Variants in COL21A1 observed in about 807,000 individuals in gnomAD.
COL21A1 encodes collagen type XXI alpha 1 chain, also known as collagen alpha-1(XXI) chain.
COL21A1 carries 149 observed loss-of-function variants against 137.9 expected under a neutral mutation model. The ratio of observed to expected loss-of-function variants is 1.08; its 90% CI spans 0.95 to 1.24. The LOEUF (loss-of-function observed/expected upper bound fraction) is 1.24. Among genes scored for constraint, COL21A1 ranks in the 50% most tolerant of loss-of-function variants. The pLI is 0.00. For missense variants in COL21A1, 1,167 were observed against 1,158.4 expected (o/e 1.01, Z -0.11); for synonymous variants, 456 against 391.5 (o/e 1.16, Z -1.95).
intron 12 of COL21A1, among the ~76,000 whole-genome samples, chr6:56,131,207 T>C (rs946228161): frequency 2.6e-5 from 4 of 151,964 alleles, no homozygotes; most frequent in Non-Finnish European, 5.9e-5. Flanking sequence ...AAATAATTGA[T>C]AAAAAGCCTT....
chr6:56,292,834 C>G (rs1011106837), intron 1 of COL21A1, among the ~76,000 whole-genome samples: 24 of 152,238 alleles, frequency 1.6e-4, no homozygotes, highest in African/African-American at 5.1e-4. Flanking sequence ...ATTGTAAAGT[C>G]TAGTATTTTG....
chr6:56,173,109 T>A (rs895914427), intron 3 of COL21A1, among the ~76,000 whole-genome samples: 1 of 152,182 alleles, frequency 6.6e-6, no homozygotes, highest in African/African-American at 2.4e-5. Flanking sequence ...AGAGACTGAA[T>A]GGTTTAGAGC....
chr6:56,204,526 C>T (rs1561981507), intron 1 of COL21A1, among the ~76,000 whole-genome samples: 1 of 152,130 alleles, frequency 6.6e-6, no homozygotes. Flanking sequence ...GACAGAGCAC[C>T]AGGGGGAAGT....
At chr6:56,286,927 G>T (rs1302553251) in intron 1 of COL21A1, among the ~76,000 whole-genome samples, 1 of 152,188 alleles carries the variant, frequency 6.6e-6, no homozygotes, top group East Asian at 1.9e-4. Flanking sequence ...TTTCTGAAAA[G>T]AGTAGCTTTA....
intron 1 of COL21A1, among the ~76,000 whole-genome samples, chr6:56,272,931 C>T (rs1372095036): frequency 6.6e-6 from 1 of 152,148 alleles, no homozygotes; most frequent in Non-Finnish European, 1.5e-5. Flanking sequence ...ATCTTTACAG[C>T]AGTGTGAAAA....
At chr6:56,354,535 C>A (rs1242807865) in intron 1 of COL21A1, among the ~76,000 whole-genome samples, 1 of 152,098 alleles carries the variant, frequency 6.6e-6, no homozygotes, top group Non-Finnish European at 1.5e-5. Flanking sequence ...TGACTAGATT[C>A]CCATTGGCCA....
At chr6:56,291,700 T>C (rs948935948) in intron 1 of COL21A1, among the ~76,000 whole-genome samples, 2 of 152,224 alleles carry the variant, frequency 1.3e-5, no homozygotes, top group African/African-American at 4.8e-5. Context: ...GATTCTTACA[T>C]GTACTATACT....
At chr6:56,099,934 T>C (rs1426613710) in intron 17 of COL21A1, among the ~76,000 whole-genome samples, 1 of 152,148 alleles carries the variant, frequency 6.6e-6, no homozygotes, top group Admixed American at 6.5e-5. Context: ...TTTCTTCTCC[T>C]TTCCAATCAT....
At chr6:56,361,765 CGT>C (rs112413857) in intron 1 of COL21A1, among the ~76,000 whole-genome samples, 1 of 151,152 alleles carries the variant, frequency 6.6e-6, no homozygotes. Flanking sequence ...TGTGCGTGTG[CGT>C]GTGTGTGTGT....
chr6:56,117,455 A>G (rs1274558338), intron 16 of COL21A1, among the ~76,000 whole-genome samples: 1 of 152,062 alleles, frequency 6.6e-6, no homozygotes, highest in African/African-American at 2.4e-5. Flanking sequence ...ATTAGAGCTA[A>G]AGAGAGTGAT....
chr6:56,194,807 A>C (rs1778918084), intron 1 of COL21A1, among the ~76,000 whole-genome samples: 1 of 142,634 alleles, frequency 7.0e-6, no homozygotes, highest in African/African-American at 2.7e-5. Flanking sequence ...AAGGGTCTTC[A>C]TTTTGGCTAC....
intron 17 of COL21A1, among the ~76,000 whole-genome samples, chr6:56,082,800 C>T (rs114379421): frequency 0.027 from 4,132 of 151,650 alleles, 108 homozygotes; most frequent in Middle Eastern, 0.068. Context: ...TTAATTTATA[C>T]GATAAAAATA....
chr6:56,167,794 G>A (rs1037571094), intron 6 of COL21A1, among the ~76,000 whole-genome samples: 3 of 152,208 alleles, frequency 2.0e-5, no homozygotes, highest in Admixed American at 2.0e-4. Context: ...CCCACTTACA[G>A]ATGAAACTAT....
At chr6:56,322,884 C>CAAAAAAAA (rs386407164) in intron 1 of COL21A1, among the ~76,000 whole-genome samples, 1 of 129,780 alleles carries the variant, frequency 7.7e-6, no homozygotes, top group Non-Finnish European at 1.6e-5. Context: ...CCTCTGCTAT[C>CAAAAAAAA]AAAAAAAAAA....
At chr6:56,141,324 G>A (rs1173038122) in intron 12 of COL21A1, among the ~76,000 whole-genome samples, 4 of 152,112 alleles carry the variant, frequency 2.6e-5, no homozygotes, top group Admixed American at 6.6e-5. Flanking sequence ...TTTGTTAAGC[G>A]AAATAAGTCA....
chr6:56,197,586 C>T (rs758573832), intron 1 of COL21A1, among the ~76,000 whole-genome samples: 8 of 151,998 alleles, frequency 5.3e-5, no homozygotes, highest in Non-Finnish European at 7.4e-5. Context: ...TACAAATGGT[C>T]AACAGGTATA....
At chr6:56,386,342 C>T (rs2094018180) in intron 1 of COL21A1, among the ~76,000 whole-genome samples, 1 of 152,174 alleles carries the variant, frequency 6.6e-6, no homozygotes, top group Non-Finnish European at 1.5e-5. Context: ...GGGTTGTTTC[C>T]ACCTTTTGGC....
chr6:56,148,823 C>T (rs1346602166), intron 10 of COL21A1, among the ~76,000 whole-genome samples: 1 of 152,106 alleles, frequency 6.6e-6, no homozygotes, highest in Non-Finnish European at 1.5e-5. Context: ...TTGGATTATA[C>T]CTGAAGTTCA....
At chr6:56,078,640 C>A (rs889600228) in intron 17 of COL21A1, among the ~76,000 whole-genome samples, 2 of 151,624 alleles carry the variant, frequency 1.3e-5, no homozygotes, top group Non-Finnish European at 3.0e-5. Flanking sequence ...ATAAATACAA[C>A]CTTTATTGAT....
Sources: allele counts gnomAD v4.1 joint callset (sites outside exome capture counted in the v4.1 genomes callset), GRCh38; gene constraint gnomAD v4.1.1; transcripts MANE v1.5; gene names NCBI Gene and HGNC (gene_info 2026-07-23, HGNC 2026-07-21).